Variants in KIAA1328 observed in about 807,000 individuals in gnomAD.
The protein encoded by KIAA1328 is protein hinderin.
In KIAA1328, 52 loss-of-function variants were observed where a neutral mutation model predicts 68.1. The ratio of observed to expected loss-of-function variants is 0.76; its 90% CI spans 0.61 to 0.96. The LOEUF (loss-of-function observed/expected upper bound fraction) is 0.96, where lower values mean the gene tolerates loss of function less well. Ranked by LOEUF, KIAA1328 falls within the 40% of genes least tolerant of loss-of-function variation. The probability of loss-of-function intolerance (pLI) is 0.00; values close to 1 mark genes in which losing one functional copy is unlikely to be tolerated. For missense variants in KIAA1328, 641 were observed against 677.6 expected (o/e 0.95, Z 0.60); for synonymous variants, 232 against 239.4 (o/e 0.97, Z 0.28).
At chr18:36,940,717 C>G (rs1407275014) in intron 5 of KIAA1328, among the ~76,000 whole-genome samples, 2 of 147,760 alleles carry the variant, frequency 1.4e-5, no homozygotes, top group Non-Finnish European at 3.0e-5. Context: ...CGCTCTGTCA[C>G]CAGGCTGGAG....
chr18:37,030,207 AT>A (rs758307004), intron 6 of KIAA1328, among the ~76,000 whole-genome samples: 76 of 150,784 alleles, frequency 5.0e-4, no homozygotes, highest in Non-Finnish European at 9.6e-4. Flanking sequence ...CTTCATTCAT[AT>A]TTTTTTCAGT....
At chr18:36,985,008 G>A (rs1292433280) in intron 6 of KIAA1328, among the ~76,000 whole-genome samples, 1 of 151,652 alleles carries the variant, frequency 6.6e-6, no homozygotes, top group Non-Finnish European at 1.5e-5. Flanking sequence ...TAATCTAAAT[G>A]TTCAATGAAG....
chr18:37,034,171 G>A (rs1261799289), intron 6 of KIAA1328, among the ~76,000 whole-genome samples: 1 of 152,050 alleles, frequency 6.6e-6, no homozygotes, highest in East Asian at 1.9e-4. Flanking sequence ...TGTATCATGG[G>A]CATAATAAGT....
At chr18:37,218,019 C>T (rs550951784) in intron 9 of KIAA1328, among the ~76,000 whole-genome samples, 45 of 152,128 alleles carry the variant, frequency 3.0e-4, no homozygotes, top group African/African-American at 9.9e-4. Flanking sequence ...CTCTTGGCCC[C>T]GATGAAGGGG....
chr18:36,872,380 A>G (rs997222729), intron 4 of KIAA1328, among the ~76,000 whole-genome samples: 29 of 152,144 alleles, frequency 1.9e-4, no homozygotes, highest in Non-Finnish European at 4.4e-5. Context: ...TAAAAGTAGT[A>G]GATAAATACT....
At chr18:36,858,003 TAAGTC>T (rs2047438170) in intron 4 of KIAA1328, among the ~76,000 whole-genome samples, 1 of 152,164 alleles carries the variant, frequency 6.6e-6, no homozygotes, top group South Asian at 2.1e-4. Flanking sequence ...GGTTGCCAAT[TAAGTC>T]AAGTTGATTG....
intron 9 of KIAA1328, among the ~76,000 whole-genome samples, chr18:37,188,895 C>G (rs2059852051): frequency 6.6e-6 from 1 of 152,198 alleles, no homozygotes; most frequent in Non-Finnish European, 1.5e-5. Context: ...TCACGCCTTG[C>G]AGACTTCACA....
At chr18:36,987,590 T>A (rs979087396) in intron 6 of KIAA1328, among the ~76,000 whole-genome samples, 2 of 152,092 alleles carry the variant, frequency 1.3e-5, no homozygotes, top group African/African-American at 4.8e-5. Flanking sequence ...AAAAGCAAAG[T>A]AATCTTCAAT....
intron 9 of KIAA1328, among the ~76,000 whole-genome samples, chr18:37,221,075 C>T (rs1208172728): frequency 6.6e-6 from 1 of 152,142 alleles, no homozygotes; most frequent in Non-Finnish European, 1.5e-5. Context: ...GATCCACCCA[C>T]CTCGGCCTCC....
At position 37,118,747 on chromosome 18, in the gene KIAA1328, A is replaced by G. The variant is rs537859837; in HGVS notation, c.1233-41453A>G. 1.2e-3 allele frequency among the ~76,000 whole-genome samples: 186 copies of G among 152,280 alleles called. 3 individuals carry two copies. Among genetic ancestry groups the G allele is most frequent in the African/African-American group, 4.3e-3 (180 of 41,558 alleles). ...ACCAACAGACCCTAAAGTCATTGAG[A>G]AGAGAAGCAAAAATTTTGCTCGCAG... is the stretch of plus-strand genomic sequence containing the variant. On this transcript the variant is annotated intron_variant, in intron 7 of 9. Coordinates refer to ENST00000280020, the MANE Select transcript of KIAA1328 (RefSeq NM_020776.3).
intron 6 of KIAA1328, among the ~76,000 whole-genome samples, chr18:36,994,276 C>A (rs1383001840): frequency 1.3e-5 from 2 of 152,150 alleles, no homozygotes; most frequent in Non-Finnish European, 2.9e-5. Flanking sequence ...TAAAGGAAAG[C>A]TCACAATGGT....
At chr18:37,017,750 C>T (rs2054202667) in intron 6 of KIAA1328, among the ~76,000 whole-genome samples, 1 of 152,070 alleles carries the variant, frequency 6.6e-6, no homozygotes, top group Non-Finnish European at 1.5e-5. Context: ...TTAGTTTAAA[C>T]TCTGTTTTGT....
At chr18:37,092,852 G>A (rs900175764) in intron 7 of KIAA1328, among the ~76,000 whole-genome samples, 2 of 152,170 alleles carry the variant, frequency 1.3e-5, no homozygotes, top group Non-Finnish European at 2.9e-5. Context: ...TGTTGCCACT[G>A]TCAGCACTAG....
chr18:36,880,854 C>G (rs575636755), intron 4 of KIAA1328, among the ~76,000 whole-genome samples: 2 of 152,136 alleles, frequency 1.3e-5, no homozygotes, highest in South Asian at 4.2e-4. Flanking sequence ...GTCCTTTATT[C>G]TGTTAACATA....
At chr18:37,120,753 A>G (rs1488717152) in intron 7 of KIAA1328, among the ~76,000 whole-genome samples, 1 of 152,156 alleles carries the variant, frequency 6.6e-6, no homozygotes, top group Non-Finnish European at 1.5e-5. Flanking sequence ...TGGTCTTTGA[A>G]TCATAAGTGG....
intron 5 of KIAA1328, 134 bp from the exon 6 acceptor site, chr18:36,959,174 C>T: frequency 1.3e-6 from 1 of 753,444 alleles, no homozygotes; most frequent in Non-Finnish European, 2.0e-6. Context: ...TATCTGAAGA[C>T]TTTATACTTA....
At chr18:36,858,010 A>G (rs2047438367) in intron 4 of KIAA1328, among the ~76,000 whole-genome samples, 1 of 152,118 alleles carries the variant, frequency 6.6e-6, no homozygotes, top group Non-Finnish European at 1.5e-5. Flanking sequence ...AATTAAGTCA[A>G]GTTGATTGAT....
At chr18:36,901,546 G>T (rs1403051541) in intron 5 of KIAA1328, among the ~76,000 whole-genome samples, 1 of 151,966 alleles carries the variant, frequency 6.6e-6, no homozygotes, top group African/African-American at 2.4e-5. Context: ...GATCTTTTTG[G>T]CAGTGAGACA....
At chr18:37,151,910 G>A (rs1423229940) in intron 7 of KIAA1328, among the ~76,000 whole-genome samples, 3 of 152,000 alleles carry the variant, frequency 2.0e-5, no homozygotes, top group Admixed American at 6.6e-5. Context: ...GTTGTGTGTT[G>A]GAGCTTGAGC....
Sources: gnomAD v4.1 joint callset for allele counts (sites outside exome capture counted in the v4.1 genomes callset) on GRCh38, gnomAD v4.1.1 for gene constraint, MANE v1.5 for transcripts, NCBI Gene and HGNC (gene_info 2026-07-23, HGNC 2026-07-21) for gene names.